Variants in TUBGCP6 observed in about 807,000 individuals in gnomAD.
TUBGCP6 encodes tubulin gamma complex component 6.
In TUBGCP6, 161 loss-of-function variants were observed where a neutral mutation model predicts 175.8. The ratio of observed to expected loss-of-function variants is 0.92; its 90% CI spans 0.81 to 1.04. The LOEUF (loss-of-function observed/expected upper bound fraction) is 1.04. Among genes scored for constraint, TUBGCP6 ranks in the 50% least tolerant of loss-of-function variants. The pLI, the probability that TUBGCP6 is intolerant of heterozygous loss-of-function variation, is 0.00. For synonymous variants in TUBGCP6, 1,173 were observed against 1,030.5 expected, an observed-to-expected ratio of 1.14 and a Z score of -2.65; for missense variants, 2,572 against 2,433.0, an observed-to-expected ratio of 1.06 and a Z score of -1.20.
At position 50,244,702 on chromosome 22, in the gene TUBGCP6, G is replaced by T; in HGVS notation, c.-243C>A. The T allele has an allele frequency of 1.8e-6, 1 of 554,956 alleles. No individual in the cohort carries two copies. Among genetic ancestry groups the T allele is most frequent in the Non-Finnish European group, 3.1e-6 (1 of 323,202 alleles). The allele number at this position is 554,956 out of a possible 1,614,324, so 34.4% of individuals were successfully genotyped here. A position where few individuals can be genotyped will look rare whatever the true frequency, so the allele number is the denominator to read the frequency against. On this transcript the variant is annotated 5_prime_UTR_variant, in exon 1 of 25. Transcript: ENST00000248846. ...CCCGGCGCCCGGCAGCCCACCAGAA[G>T]CCAGCTCGGCGTTTCTTCTAATTCA... is the stretch of plus-strand genomic sequence containing the variant.
rs5771270 is a variant in TUBGCP6 at position 50,244,436 on chromosome 22, G to C, written c.24C>G (p.Phe8Leu). 9 of 1,611,346 alleles carry C rather than the reference G, an allele frequency of 5.6e-6. No homozygotes were observed. Among genetic ancestry groups the C allele is most frequent in the Non-Finnish European group, 7.6e-6 (9 of 1,179,202 alleles). ...GCAGGAGGGCCTCACACAGGTCGTCGAACAGCTGCGTGATGCTGGCCATGC... is the reference window on the plus strand; with the variant it reads ...GCAGGAGGGCCTCACACAGGTCGTCCAACAGCTGCGTGATGCTGGCCATGC... Reference protein sequence around the residue: MASITQLFDDLCEALLPA... With the variant: MASITQLLDDLCEALLPA... Residue 8 changes from phenylalanine (F) to leucine (L), a missense_variant, in exon 1 of 25, where the codon TTC becomes TTG. By Grantham distance (22) the Phe-to-Leu change is conservative. Transcript: ENST00000248846.
chr22:50,235,545 C>G (rs1317277355), intron 2 of TUBGCP6, among the ~76,000 whole-genome samples: 2 of 152,164 alleles, frequency 1.3e-5, no homozygotes, highest in African/African-American at 2.4e-5. Context: ...ACTGTCTCCA[C>G]AGGGACGGCG....
chr22:50,218,979 A>T, intron 20 of TUBGCP6, 82 bp from the exon 21 acceptor site: 1 of 1,591,140 alleles, frequency 6.3e-7, no homozygotes, highest in Non-Finnish European at 8.6e-7. Flanking sequence ...GCTGTGCCAG[A>T]GCAGCAGGGG....
chr22:50,241,217 G>A (rs1305248757), intron 1 of TUBGCP6, among the ~76,000 whole-genome samples: 5 of 152,118 alleles, frequency 3.3e-5, no homozygotes, highest in Non-Finnish European at 7.4e-5. Flanking sequence ...AGCTGAAGGG[G>A]CAAGGTGAGA....
At chr22:50,231,460 A>C (rs1444906128) in intron 3 of TUBGCP6, among the ~76,000 whole-genome samples, 1 of 143,836 alleles carries the variant, frequency 7.0e-6, no homozygotes, top group African/African-American at 2.5e-5. Context: ...TCTCAAAAAG[A>C]AAAAAAAAAT....
At position 50,219,911 on chromosome 22, in the gene TUBGCP6, A is replaced by G. The variant is rs755432878; in HGVS notation, c.4167+46T>C. On this transcript the variant is annotated intron_variant, in intron 17 of 24. Coordinates refer to ENST00000248846, the MANE Select transcript of TUBGCP6 (RefSeq NM_020461.4). ...CCCGCGTGACAACCTAGAGGGACAG[A>G]GCCCTCCCTGCCTGCTGTGGGACCC... is the stretch of plus-strand genomic sequence containing the variant. The G allele has an allele frequency of 8.1e-6, 13 of 1,612,066 alleles. No homozygotes were observed. The South Asian group carries it at 1.3e-4, about 16-fold the overall frequency.
chr22:50,232,769 CAAAG>C (rs1415261055), intron 3 of TUBGCP6, among the ~76,000 whole-genome samples: 1 of 152,188 alleles, frequency 6.6e-6, no homozygotes, highest in Non-Finnish European at 1.5e-5. Flanking sequence ...ACATTTAAGA[CAAAG>C]GAAGGGGATG....
In TUBGCP6 at chr22:50,237,076, G is replaced by A. The variant is rs376952638; in HGVS notation, c.905+3128C>T. Among the ~76,000 whole-genome samples the A allele has an allele frequency of 1.6e-4, 24 of 152,354 alleles. 1 individual carries two copies. In the East Asian group the frequency reaches 1.7e-3, roughly 11 times the overall value. ...AAAATGTAGCAAAATGCTTCCCCCA[G>A]ATGGGTGGCACATGCAGAGAAAGAG... On this transcript the variant is annotated intron_variant, in intron 2 of 24. Coordinates refer to ENST00000248846, the MANE Select transcript of TUBGCP6 (RefSeq NM_020461.4).
chr22:50,233,565 G>A, intron 2 of TUBGCP6, 39 bp from the exon 3 acceptor site: 1 of 1,554,586 alleles, frequency 6.4e-7, no homozygotes, highest in Non-Finnish European at 8.7e-7. Context: ...AGCAGACGTG[G>A]TGACCTGCAC....
At position 50,221,846 on chromosome 22, in the gene TUBGCP6, T is replaced by A; in HGVS notation, c.2513A>T (p.Glu838Val). 1 of 1,512,332 alleles carries A rather than the reference T, an allele frequency of 6.6e-7. No homozygotes were observed. The highest frequency in any genetic ancestry group is 8.8e-7 in the Non-Finnish European group (1 of 1,130,708). 93.7% of individuals were successfully genotyped at this position (1,512,332 alleles called of 1,614,324 possible). A position where few individuals can be genotyped will look rare whatever the true frequency, so the allele number is the denominator to read the frequency against. ...QVTSPGPEHP[E>V]GGQGCDSGSA... ...CCCAGAATCACAGCCTTGGCCTCCC[T>A]CTGGGTGCTCAGGGCCCGGAGACGT... The change falls in exon 16 of 25, where the codon GAG (glutamate) becomes GTG (valine). Residue 838 changes from glutamate to valine, a missense_variant. Glu to Val is a moderately radical substitution (Grantham distance 121). Coordinates refer to ENST00000248846, the MANE Select transcript of TUBGCP6 (RefSeq NM_020461.4).
rs780874726 is a variant in TUBGCP6 at position 50,217,909 on chromosome 22, G to A, written c.5368+9C>T. The A allele has an allele frequency of 5.0e-6, 8 of 1,605,662 alleles. No homozygotes were observed. Among genetic ancestry groups the A allele is most frequent in the Non-Finnish European group, 6.0e-6 (7 of 1,175,014 alleles). On this transcript the variant is annotated intron_variant, in intron 24 of 24. Coordinates refer to ENST00000248846, the MANE Select transcript of TUBGCP6 (RefSeq NM_020461.4). ...CCCCCGCAGCCCTCCCAGCCAGGGT[G>A]GGCCTCACCTTTGAAGAGAAAGTGG... is the stretch of plus-strand genomic sequence containing the variant.
In TUBGCP6 at chr22:50,219,069, T is replaced by C; in HGVS notation, c.4625A>G (p.Lys1542Arg). Residue 1542 changes from lysine to arginine, a missense_variant and splice_region_variant, in exon 20 of 25, where the codon AAG (lysine) becomes AGG (arginine). Coordinates refer to ENST00000248846, the MANE Select transcript of TUBGCP6 (RefSeq NM_020461.4). ...CCCCACCCCGTGTCCGGAGGCCACC[T>C]TCTCAAAGAGCAGGTCGCTGAGGGA... ...AQSLSDLLFE[K>R]LGAGQTPGEL... 3 of 1,612,060 alleles carry C rather than the reference T, an allele frequency of 1.9e-6. No homozygotes were observed. Among genetic ancestry groups the C allele is most frequent in the Non-Finnish European group, 2.5e-6 (3 of 1,179,910 alleles).
At position 50,224,214 on chromosome 22, in the gene TUBGCP6, T is replaced by C. The variant is rs754859615; in HGVS notation, c.2197A>G (p.Ser733Gly). The C allele has an allele frequency of 3.7e-6, 6 of 1,614,012 alleles. No homozygotes were observed. The East Asian group carries it at 6.7e-5, about 18-fold the overall frequency. The change falls in exon 13 of 25, where the codon AGC (serine) becomes GGC (glycine). Residue 733 changes from serine to glycine, a missense_variant. By Grantham distance (56) the Ser-to-Gly change is moderately conservative. Transcript: ENST00000248846. Reference protein sequence around the residue: ...ARQEELDDDFSYARELRDRER... With the variant: ...ARQEELDDDFGYARELRDRER... ...CTGTCTCGGAGTTCACGGGCGTAGC[T>C]GAAGTCATCATCCAGCTCCTCCTGC...
rs1349466283 is a variant in TUBGCP6, at chr22:50,243,927, G to A, written c.533C>T (p.Thr178Ile). ...ECLCHSMIQE[T>I]LQVMEAAPGT... The stretch of plus-strand genomic sequence containing the variant: ...TGGAGCAGCCTCCATAACCTGAAGT[G>A]TTTCCTGGATCATGCTGTGACACAA... Residue 178 changes from threonine to isoleucine, a missense_variant, in exon 1 of 25, where the codon ACA becomes ATA. Transcript: ENST00000248846. 6.2e-7 allele frequency: 1 copy of A among 1,614,006 alleles called. No homozygotes were observed. The highest frequency in any genetic ancestry group is 1.3e-5 in the African/African-American group (1 of 74,944).
intron 5 of TUBGCP6, among the ~76,000 whole-genome samples, chr22:50,227,288 C>T (rs556055650): frequency 6.6e-6 from 1 of 152,252 alleles, no homozygotes; most frequent in South Asian, 2.1e-4. Flanking sequence ...TGTCCACACA[C>T]ACCCCACTGA....
chr22:50,239,003 G>A (rs2064809323), intron 2 of TUBGCP6, among the ~76,000 whole-genome samples: 1 of 152,156 alleles, frequency 6.6e-6, no homozygotes, highest in African/African-American at 2.4e-5. Flanking sequence ...GGGGGCACAT[G>A]CTCCTGTCCA....
In TUBGCP6 at chr22:50,244,335, T is replaced by A; in HGVS notation, c.125A>T (p.Tyr42Phe). 6.2e-7 allele frequency: 1 copy of A among 1,613,574 alleles called. No individual in the cohort carries two copies. The highest frequency in any genetic ancestry group is 8.5e-7 in the Non-Finnish European group (1 of 1,180,032). Residue 42 changes from tyrosine to phenylalanine, a missense_variant, in exon 1 of 25, where the codon TAC becomes TTC. By Grantham distance (22) the Tyr-to-Phe change is conservative (BLOSUM62 3). Coordinates refer to ENST00000248846, the MANE Select transcript of TUBGCP6 (RefSeq NM_020461.4). ...AAAAAGATTTGTGAAAAGAGCATTG[T>A]AGGCCACCTTCTTGAGGCTCCGCTT... The part of the protein sequence containing the change: ...RAKRSLKKVA[Y>F]NALFTNLFQD...
In TUBGCP6 at chr22:50,221,264, C is replaced by G; in HGVS notation, c.3095G>C (p.Gly1032Ala). 1 of 1,614,070 alleles carries G rather than the reference C, an allele frequency of 6.2e-7. No homozygotes were observed. The highest frequency in any genetic ancestry group is 8.5e-7 in the Non-Finnish European group (1 of 1,180,048). The change falls in exon 16 of 25, where the codon GGT (glycine) becomes GCT (alanine). Residue 1032 changes from glycine to alanine, a missense_variant. Coordinates refer to ENST00000248846, the MANE Select transcript of TUBGCP6 (RefSeq NM_020461.4). ...AGCGTAGTCCCCTGTGGGAAGACCA[C>G]CCCCTGACACCTGCCCAAAGAGCCG... ...TERLFGQVSG[G>A]GLPTGDYASE...
intron 10 of TUBGCP6, among the ~76,000 whole-genome samples, 182 bp downstream of exon 10, chr22:50,225,612 C>CCTT (rs2064594677): frequency 5.8e-5 from 4 of 69,314 alleles, no homozygotes; most frequent in East Asian, 4.3e-4. Context: ...CTCAACTCCC[C>CCTT]GTTGACACCC....
Sources: allele counts gnomAD v4.1 joint callset (sites outside exome capture counted in the v4.1 genomes callset), GRCh38; gene constraint gnomAD v4.1.1; transcripts MANE v1.5; gene names NCBI Gene and HGNC (gene_info 2026-07-23, HGNC 2026-07-21).